Variants in PARD3B observed in about 807,000 individuals in gnomAD.
The protein encoded by PARD3B is par-3 family cell polarity regulator beta.
In PARD3B, 103 loss-of-function variants were observed where a neutral mutation model predicts 130.2. The observed-to-expected ratio is 0.79, with a 90% CI of 0.67 to 0.93. The LOEUF (loss-of-function observed/expected upper bound fraction) is 0.93. Ranked by LOEUF, PARD3B falls within the 40% of genes least tolerant of loss-of-function variation. The probability of loss-of-function intolerance (pLI) is 0.00; values close to 1 mark genes in which losing one functional copy is unlikely to be tolerated. For missense variants in PARD3B, 1,609 were observed against 1,499.2 expected (o/e 1.07, Z -1.21); for synonymous variants, 583 against 553.2 (o/e 1.05, Z -0.76).
intron 3 of PARD3B, among the ~76,000 whole-genome samples, chr2:204,978,180 GC>G (rs1402421384): frequency 6.6e-6 from 1 of 152,174 alleles, no homozygotes; most frequent in Non-Finnish European, 1.5e-5. Flanking sequence ...CTGGGGAGTG[GC>G]ATTGGAGAGA....
At chr2:205,224,746 T>C (rs1271496627) in intron 15 of PARD3B, among the ~76,000 whole-genome samples, 2 of 152,170 alleles carry the variant, frequency 1.3e-5, no homozygotes, top group African/African-American at 2.4e-5. Context: ...TTGGAAAAGA[T>C]AGAATCTCAT....
At chr2:205,249,421 C>A (rs2039741564) in intron 16 of PARD3B, among the ~76,000 whole-genome samples, 1 of 152,034 alleles carries the variant, frequency 6.6e-6, no homozygotes, top group African/African-American at 2.4e-5. Context: ...CTATTTCGTG[C>A]CAAGTTCCAT....
intron 21 of PARD3B, among the ~76,000 whole-genome samples, chr2:205,512,336 G>A (rs572095196): frequency 5.3e-5 from 8 of 152,134 alleles, no homozygotes; most frequent in Non-Finnish European, 1.2e-4. Flanking sequence ...TTTAGTAAAT[G>A]ATCTAAGAAG....
Position 205,543,052 on chromosome 2 carries a change from C to T in PARD3B, c.3181-10272C>T, listed in dbSNP as rs150414392. 1.8e-3 allele frequency among the ~76,000 whole-genome samples: 275 copies of T among 152,218 alleles called. 1 individual carries two copies. The highest frequency in any genetic ancestry group is 0.013 in the Admixed American group (192 of 15,290). The stretch of plus-strand genomic sequence containing the variant: ...TCATTCTTTCTGTTAACTTCCACTG[C>T]GTAGATGTCTGAGACATCTATTTCA... On this transcript the variant is annotated intron_variant, in intron 21 of 22. Coordinates refer to ENST00000406610, the MANE Select transcript of PARD3B (RefSeq NM_001302769.2).
chr2:204,905,613 C>G (rs1220526009), intron 2 of PARD3B, among the ~76,000 whole-genome samples: 1 of 151,902 alleles, frequency 6.6e-6, no homozygotes, highest in Non-Finnish European at 1.5e-5. Flanking sequence ...TTGAGTTTTT[C>G]CCTCTGGAAT....
Position 205,385,356 on chromosome 2 carries a change from T to C in PARD3B, c.2631-15657T>C, listed in dbSNP as rs531344357. Among the ~76,000 whole-genome samples, 13 of 152,246 alleles carry C rather than the reference T, an allele frequency of 8.5e-5. No homozygotes were observed. The South Asian group carries it at 1.7e-3, about 19-fold the overall frequency. ...TTGACTGATTTGGAAAAGAACAATA[T>C]GCAGTGTGAAATCTTAACAAAAACG... On this transcript the variant is annotated intron_variant, in intron 18 of 22. Transcript: ENST00000406610.
At chr2:204,620,857 G>T (rs112452840) in intron 1 of PARD3B, among the ~76,000 whole-genome samples, 1 of 152,052 alleles carries the variant, frequency 6.6e-6, no homozygotes, top group Non-Finnish European at 1.5e-5. Flanking sequence ...AAGGAACAGA[G>T]GAGTTTGAAG....
intron 2 of PARD3B, among the ~76,000 whole-genome samples, chr2:204,958,922 C>T (rs1559300062): frequency 6.6e-6 from 1 of 152,144 alleles, no homozygotes; most frequent in Non-Finnish European, 1.5e-5. Flanking sequence ...ATCTGTTATT[C>T]AGGGTCATGG....
intron 1 of PARD3B, among the ~76,000 whole-genome samples, chr2:204,638,580 G>A (rs941447516): frequency 8.5e-5 from 13 of 152,048 alleles, no homozygotes; most frequent in Admixed American, 7.9e-4. Flanking sequence ...GACTATAGTA[G>A]GAACATTTTA....
At chr2:205,324,865 G>T (rs1023625785) in intron 18 of PARD3B, among the ~76,000 whole-genome samples, 1 of 152,018 alleles carries the variant, frequency 6.6e-6, no homozygotes. Context: ...TGGTCCGTAG[G>T]TACCCCAAAA....
intron 18 of PARD3B, among the ~76,000 whole-genome samples, chr2:205,347,620 C>T (rs1444675236): frequency 6.6e-6 from 1 of 152,162 alleles, no homozygotes; most frequent in Non-Finnish European, 1.5e-5. Flanking sequence ...TTTGTACAAA[C>T]AGCATGAAAG....
rs2055484677 is a variant in PARD3B, at chr2:205,617,867, A to G, written c.*2054A>G. ...AACCAGCAGCTCTTCACTATGTTCCATATTTTAACCAAACTACTGTAGACT... is the reference window on the plus strand; with the variant it reads ...AACCAGCAGCTCTTCACTATGTTCCGTATTTTAACCAAACTACTGTAGACT... On this transcript the variant is annotated 3_prime_UTR_variant, in exon 23 of 23. Coordinates refer to ENST00000406610, the MANE Select transcript of PARD3B (RefSeq NM_001302769.2). The G allele has an allele frequency of 2.6e-5, 4 of 152,364 alleles. No individual in the cohort carries two copies. In the South Asian group the frequency reaches 8.3e-4, roughly 32 times the overall value. The allele number at this position is 152,364 out of a possible 1,614,324, so 9.4% of individuals were successfully genotyped here.
intron 2 of PARD3B, among the ~76,000 whole-genome samples, chr2:204,866,871 C>A (rs576750556): frequency 5.3e-5 from 8 of 151,996 alleles, no homozygotes; most frequent in South Asian, 2.1e-4. Context: ...GAGTTTGAGA[C>A]CAGCCTGGCC....
intron 15 of PARD3B, among the ~76,000 whole-genome samples, chr2:205,218,917 T>G (rs2038090137): frequency 6.6e-6 from 1 of 151,982 alleles, no homozygotes; most frequent in African/African-American, 2.4e-5. Context: ...CCATCTCCAC[T>G]AAAAATACAA....
At chr2:204,892,005 T>C (rs1380190960) in intron 2 of PARD3B, among the ~76,000 whole-genome samples, 1 of 152,208 alleles carries the variant, frequency 6.6e-6, no homozygotes, top group Admixed American at 6.5e-5. Context: ...CACATATGTA[T>C]TGAGTGCTTC....
At chr2:205,308,352 A>T (rs1233418734) in intron 18 of PARD3B, among the ~76,000 whole-genome samples, 5 of 152,060 alleles carry the variant, frequency 3.3e-5, no homozygotes, top group Non-Finnish European at 4.4e-5. Flanking sequence ...CTCGCCTGTA[A>T]TCCCAGCACT....
intron 2 of PARD3B, among the ~76,000 whole-genome samples, chr2:204,701,943 G>T (rs1361336798): frequency 6.6e-6 from 1 of 152,034 alleles, no homozygotes; most frequent in Admixed American, 6.6e-5. Context: ...CCATCTTTAT[G>T]TCCATGAGTA....
chr2:204,669,786 G>A lies in PARD3B; in HGVS notation c.121-16395G>A, dbSNP rs2036205888. On this transcript the variant is annotated intron_variant, in intron 1 of 22. Transcript: ENST00000406610. The surrounding 1 kb of genome is among the most constrained non-coding windows in gnomAD (Gnocchi z 4.3). ...GAAATGGGAAGGGAAGGGGTGGAAG[G>A]TGAGGAAAAGAGTAAGGGCTGCCAA... is the stretch of plus-strand genomic sequence containing the variant. Among the ~76,000 whole-genome samples the A allele has an allele frequency of 6.6e-6, 1 of 152,158 alleles. No individual in the cohort carries two copies. Among genetic ancestry groups the A allele is most frequent in the Non-Finnish European group, 1.5e-5 (1 of 68,024 alleles).
In PARD3B at chr2:205,405,706, G is replaced by A. The variant is rs576018110; in HGVS notation, c.2741+4583G>A. Among the ~76,000 whole-genome samples the A allele has an allele frequency of 6.6e-6, 1 of 152,296 alleles. No individual in the cohort carries two copies. Among genetic ancestry groups the A allele is most frequent in the Non-Finnish European group, 1.5e-5 (1 of 68,046 alleles). Reference sequence around the variant, plus strand: ...TTGTGGTTGCCACAAAACTTCAGGGGTTGACAATATGTCCGATGACAGAAT... The same window carrying A: ...TTGTGGTTGCCACAAAACTTCAGGGATTGACAATATGTCCGATGACAGAAT... On this transcript the variant is annotated intron_variant, in intron 19 of 22. Transcript: ENST00000406610. The surrounding 1 kb of genome is among the most constrained non-coding windows in gnomAD (Gnocchi z 4.1).
Sources: allele counts gnomAD v4.1 joint callset (sites outside exome capture counted in the v4.1 genomes callset), GRCh38; gene constraint gnomAD v4.1.1; non-coding constraint Gnocchi (gnomAD v3.1); transcripts MANE v1.5; gene names NCBI Gene and HGNC (gene_info 2026-07-23, HGNC 2026-07-21).